LHX3: variants seen among roughly 807,000 people sequenced by gnomAD.
The protein encoded by LHX3 is LIM homeobox 3, also known as LIM/homeobox protein Lhx3.
A neutral mutation model predicts 32.4 loss-of-function variants in LHX3; 21 were observed. That is an observed-to-expected ratio of 0.65 (90% CI 0.46 to 0.93). The LOEUF is 0.93. LHX3 is among the 40% of genes least tolerant of loss of function. The pLI, the probability that LHX3 is intolerant of heterozygous loss-of-function variation, is 0.00. For missense variants in LHX3, 626 were observed against 560.0 expected (o/e 1.12, Z -1.19); for synonymous variants, 258 against 246.8 (o/e 1.05, Z -0.43).
chr9:136,199,324 C>T (rs115090007), intron 3 of LHX3, among the ~76,000 whole-genome samples: 4,584 of 152,278 alleles, frequency 0.03, 206 homozygotes, highest in African/African-American at 0.099. Context: ...ACCTCCACGG[C>T]GCCCCCGCCT....
At chr9:136,203,154 CTGCG>C in intron 1 of LHX3, 2 of 1,325,432 alleles carry the variant, frequency 1.5e-6, no homozygotes, top group African/African-American at 3.1e-5. Context: ...CTGCTGGGCG[CTGCG>C]CCCGCGGGCC....
rs201356862 is a variant in LHX3 at position 136,197,555 on chromosome 9, C to T, written c.964G>A (p.Ala322Thr). The T allele has an allele frequency of 4.6e-4, 585 of 1,268,858 alleles. 1 individual carries two copies. The East Asian group carries it at 0.011, about 23-fold the overall frequency. 78.6% of individuals were successfully genotyped at this position (1,268,858 alleles called of 1,614,324 possible). ...GGGCCAGGGAGGCTCTGCGGGGCGG[C>T]GGGGGATGGGGGGACACCGTAGGGG... is the stretch of plus-strand genomic sequence containing the variant. ...GSPYGVPPSPAAPQSLPGPQP... is the reference protein window; with the variant it reads ...GSPYGVPPSPTAPQSLPGPQP... The change falls in exon 6 of 6, where the codon GCC becomes ACC. Residue 322 changes from alanine to threonine, a missense_variant. Coordinates refer to ENST00000371748, the MANE Select transcript of LHX3 (RefSeq NM_178138.6).
chr9:136,201,307 T>C (rs1472950049), intron 1 of LHX3: 6 of 1,256,452 alleles, frequency 4.8e-6, no homozygotes, highest in African/African-American at 1.5e-5. Flanking sequence ...TTCCCCATCA[T>C]TGGGCAGCCG....
In LHX3 at chr9:136,200,628, A is replaced by T. The variant is rs369098555; in HGVS notation, c.205T>A (p.Cys69Ser). Residue 69 changes from cysteine (C) to serine (S), a missense_variant, in exon 2 of 6, where the codon TGC (cysteine) becomes AGC (serine). Physicochemically the swap from Cys to Ser is moderately radical, Grantham distance 112 (BLOSUM62 -1). Transcript: ENST00000371748. ...TAAACGCTCTCCCCTCGGCTGAAGC[A>T]GCGCTCGGCCAGTGGCGTGTGGCAG... ...SDCHTPLAER[C>S]FSRGESVYCK... is the part of the protein sequence containing the mutation. 2.5e-6 allele frequency: 4 copies of T among 1,613,662 alleles called. No homozygotes were observed. The highest frequency in any genetic ancestry group is 3.4e-6 in the Non-Finnish European group (4 of 1,180,042).
At chr9:136,204,439 G>C (rs1437952576) in intron 1 of LHX3, among the ~76,000 whole-genome samples, 1 of 152,244 alleles carries the variant, frequency 6.6e-6, no homozygotes, top group African/African-American at 2.4e-5. Context: ...GGAAGGGGCG[G>C]CGGCAGGTTA....
chr9:136,204,984 T>C lies in LHX3; in HGVS notation c.29A>G (p.Asp10Gly). 1 of 1,592,988 alleles carries C rather than the reference T, an allele frequency of 6.3e-7. No individual in the cohort carries two copies. The highest frequency in any genetic ancestry group is 2.3e-5 in the East Asian group (1 of 44,280). The part of the protein sequence containing the change: MLLETGLER[D>G]RARPGAAAVC... ...GGCGGCGGCCCCGGGCCTCGCTCGG[T>C]CGCGCTCGAGCCCCGTTTCCAGCAG... The change falls in exon 1 of 6, where the codon GAC (aspartate) becomes GGC (glycine). Residue 10 changes from aspartate to glycine, a missense_variant. Asp to Gly is a moderately conservative substitution (Grantham distance 94). Coordinates refer to ENST00000371748, the MANE Select transcript of LHX3 (RefSeq NM_178138.6).
chr9:136,203,189 T>G, intron 1 of LHX3: 52 of 1,077,014 alleles, frequency 4.8e-5, no homozygotes, highest in Middle Eastern at 4.0e-4. Flanking sequence ...CCGGAGCCTC[T>G]GGCCGAGCGG....
Position 136,197,564 on chromosome 9 carries a change from G to A in LHX3, c.955C>T (p.Pro319Ser). The change falls in exon 6 of 6, where the codon CCA becomes TCA. Residue 319 changes from proline to serine, a missense_variant. Coordinates refer to ENST00000371748, the MANE Select transcript of LHX3 (RefSeq NM_178138.6). ...AGGCTCTGCGGGGCGGCGGGGGATG[G>A]GGGGACACCGTAGGGGCTGCCGGGA... Reference protein sequence around the residue: ...LRPGSPYGVPPSPAAPQSLPG... With the variant: ...LRPGSPYGVPSSPAAPQSLPG... 2.0e-6 allele frequency: 3 copies of A among 1,532,778 alleles called. No individual in the cohort carries two copies. The highest frequency in any genetic ancestry group is 1.8e-6 in the Non-Finnish European group (2 of 1,136,868). 94.9% of individuals were successfully genotyped at this position (1,532,778 alleles called of 1,614,324 possible).
At chr9:136,201,090 T>C in intron 1 of LHX3, 2 of 1,396,360 alleles carry the variant, frequency 1.4e-6, no homozygotes, top group Non-Finnish European at 1.9e-6. Context: ...GGAGCTCAAA[T>C]GAAAACCCCA....
intron 2 of LHX3, 33 bp downstream of exon 2, chr9:136,200,549 G>T: frequency 6.2e-7 from 1 of 1,608,686 alleles, no homozygotes; most frequent in Admixed American, 1.7e-5. Flanking sequence ...CGTGCCCTCC[G>T]CTCCCACACT....
At chr9:136,204,437 C>T (rs533276859) in intron 1 of LHX3, among the ~76,000 whole-genome samples, 4 of 152,192 alleles carry the variant, frequency 2.6e-5, no homozygotes, top group East Asian at 1.9e-4. Flanking sequence ...GGGGAAGGGG[C>T]GGCGGCAGGT....
At position 136,198,707 on chromosome 9, in the gene LHX3, C is replaced by T. The variant is rs1484540110; in HGVS notation, c.720G>A (p.Ser240=). Residue 240 remains serine, a synonymous_variant, in exon 5 of 6, where the codon TCG becomes TCA. Transcript: ENST00000371748. ...GCCCCTCCTGAACGCTGTCCTTGTC[C>T]GACTTGGAGCCGCCGCGGGAGCGCT... The part of the protein sequence containing the change: ...NMKRSRGGSK[S]DKDSVQEGQD... 1 of 1,611,160 alleles carries T rather than the reference C, an allele frequency of 6.2e-7. No individual in the cohort carries two copies. The highest frequency in any genetic ancestry group is 8.5e-7 in the Non-Finnish European group (1 of 1,179,722).
Position 136,204,950 on chromosome 9 carries a change from G to C in LHX3, c.63C>G (p.Thr21=), listed in dbSNP as rs972323855. Residue 21 remains threonine, a synonymous_variant, in exon 1 of 6, where the codon ACC becomes ACG. Transcript: ENST00000371748. ...GGGGCTTACCCCGAGTCCCGCCCAA[G>C]GTGCAGACGGCGGCGGCCCCGGGCC... ...RARPGAAAVC[T]LGGTREIPLC... is the part of the protein sequence containing the mutation. The C allele has an allele frequency of 6.2e-7, 1 of 1,602,150 alleles. No homozygotes were observed. The highest frequency in any genetic ancestry group is 8.5e-7 in the Non-Finnish European group (1 of 1,176,412).
At position 136,202,936 on chromosome 9, in the gene LHX3, G is replaced by A. The variant is rs1346034570; in HGVS notation, c.79+1998C>T. On this transcript the variant is annotated intron_variant, in intron 1 of 5. Transcript: ENST00000371748. ...TCTCCCCGGTGCAGCCACTCGGCCC[G>A]GGCACCCACCTCGGCGCAGGTCCGC... The A allele has an allele frequency of 2.2e-5, 34 of 1,532,172 alleles. No homozygotes were observed. Among genetic ancestry groups the A allele is most frequent in the East Asian group, 9.8e-5 (4 of 40,804 alleles). The allele number at this position is 1,532,172 out of a possible 1,614,324, so 94.9% of individuals were successfully genotyped here. A position where few individuals can be genotyped will look rare whatever the true frequency, so the allele number is the denominator to read the frequency against.
chr9:136,203,186 C>T (rs2131040216), intron 1 of LHX3: 1 of 1,169,430 alleles, frequency 8.6e-7, no homozygotes, highest in East Asian at 4.1e-5. Context: ...GGCCCGGAGC[C>T]TCTGGCCGAG....
At chr9:136,202,285 C>G (rs923367597) in intron 1 of LHX3, among the ~76,000 whole-genome samples, 1 of 152,220 alleles carries the variant, frequency 6.6e-6, no homozygotes, top group Non-Finnish European at 1.5e-5. Context: ...CTCTCACTCC[C>G]CACTGGCTCC....
At chr9:136,202,827 G>T in intron 1 of LHX3, 2 of 1,191,410 alleles carry the variant, frequency 1.7e-6, no homozygotes, top group Non-Finnish European at 2.4e-6. Context: ...GACGTTCCGG[G>T]GTCCTCGCGC....
chr9:136,200,779 C>T, intron 1 of LHX3, 26 bp from the exon 2 acceptor site: 2 of 1,612,662 alleles, frequency 1.2e-6, no homozygotes, highest in Non-Finnish European at 1.7e-6. Context: ...AGTTCTGGGT[C>T]ACCTCGTAGA....
chr9:136,202,622 G>A (rs978529581), intron 1 of LHX3, among the ~76,000 whole-genome samples: 2 of 151,990 alleles, frequency 1.3e-5, no homozygotes, highest in Non-Finnish European at 2.9e-5. Context: ...CTGTCCCGTG[G>A]TCACTGCCCC....
Sources: allele counts gnomAD v4.1 joint callset (sites outside exome capture counted in the v4.1 genomes callset), GRCh38; gene constraint gnomAD v4.1.1; transcripts MANE v1.5; gene names NCBI Gene and HGNC (gene_info 2026-07-23, HGNC 2026-07-21).